Variants in PPARGC1A observed in about 807,000 individuals in gnomAD.
PPARGC1A encodes the protein PPARG coactivator 1 alpha, also known as peroxisome proliferator-activated receptor gamma coactivator 1-alpha.
PPARGC1A carries 25 observed loss-of-function variants against 88.7 expected under a neutral mutation model. The observed-to-expected ratio is 0.28, with a 90% CI of 0.21 to 0.39. PPARGC1A has a LOEUF of 0.39. PPARGC1A is among the 10% of genes least tolerant of loss of function. PPARGC1A has a pLI of 1.00. For missense variants in PPARGC1A, 880 were observed against 968.7 expected, an observed-to-expected ratio of 0.91 and a Z score of 1.22; for synonymous variants, 363 against 355.6, an observed-to-expected ratio of 1.02 and a Z score of -0.24.
At chr4:23,801,361 G>A (rs958009534) in intron 12 of PPARGC1A, among the ~76,000 whole-genome samples, 4 of 151,252 alleles carry the variant, frequency 2.6e-5, no homozygotes, top group Middle Eastern at 3.4e-3. Context: ...AACACACACA[G>A]ACACACACAA....
the PPARGC1A span, among the ~76,000 whole-genome samples, chr4:24,013,003 T>C: frequency 6.6e-6 from 1 of 152,142 alleles, no homozygotes; most frequent in Non-Finnish European, 1.5e-5. Context: ...TTTTTACACA[T>C]GCAATCACAC....
the PPARGC1A span, among the ~76,000 whole-genome samples, chr4:24,375,385 GGT>G: frequency 1.3e-5 from 2 of 152,120 alleles, no homozygotes; most frequent in Non-Finnish European, 2.9e-5. Flanking sequence ...TCCAATTCAA[GGT>G]GGGACTTACA....
the PPARGC1A span, among the ~76,000 whole-genome samples, chr4:24,452,256 CA>C: frequency 7.0e-6 from 1 of 142,648 alleles, no homozygotes. Flanking sequence ...CCCACCCCCC[CA>C]CACACAAACA....
the PPARGC1A span, among the ~76,000 whole-genome samples, chr4:24,418,247 A>C: frequency 6.6e-6 from 1 of 152,202 alleles, no homozygotes; most frequent in African/African-American, 2.4e-5. Flanking sequence ...TCTGAGGTTG[A>C]GTGAGCTGAA....
chr4:24,060,504 T>C, the PPARGC1A span, among the ~76,000 whole-genome samples: 1 of 152,260 alleles, frequency 6.6e-6, no homozygotes, highest in East Asian at 1.9e-4. Flanking sequence ...TGGGTTGCAC[T>C]ATTTTTAAAA....
chr4:23,921,930 C>T, the PPARGC1A span, among the ~76,000 whole-genome samples: 2 of 152,184 alleles, frequency 1.3e-5, no homozygotes, highest in African/African-American at 4.8e-5. Context: ...TCAAGCCTTG[C>T]TTATTACCCA....
At chr4:23,899,752 T>A (rs996595086), upstream of PPARGC1A, among the ~76,000 whole-genome samples, 2 of 152,110 alleles carry the variant, frequency 1.3e-5, no homozygotes, top group East Asian at 3.9e-4. Flanking sequence ...GGTGAGAGGT[T>A]GCCATGGGTG....
At chr4:24,029,323 C>CT in the PPARGC1A span, among the ~76,000 whole-genome samples, 9 of 152,314 alleles carry the variant, frequency 5.9e-5, no homozygotes, top group Admixed American at 1.3e-4. Context: ...AATGCCTCAA[C>CT]TTTTTTTCTC....
chr4:24,176,702 A>G, the PPARGC1A span, among the ~76,000 whole-genome samples: 6 of 152,218 alleles, frequency 3.9e-5, no homozygotes, highest in East Asian at 1.2e-3. Flanking sequence ...ACAGAGAAGC[A>G]TAACCCCAGA....
At chr4:24,309,273 G>A in the PPARGC1A span, among the ~76,000 whole-genome samples, 1 of 152,148 alleles carries the variant, frequency 6.6e-6, no homozygotes, top group Non-Finnish European at 1.5e-5. Context: ...CTTTAAGAAG[G>A]TGATATTTAA....
the PPARGC1A span, among the ~76,000 whole-genome samples, chr4:24,099,353 T>A: frequency 3.3e-5 from 5 of 151,892 alleles, no homozygotes; most frequent in African/African-American, 7.3e-5. Context: ...ATCTTTTGAT[T>A]TTAAAACCTT....
At position 23,794,351 on chromosome 4, in the gene PPARGC1A, G is replaced by T. The variant is rs1717138145; in HGVS notation, c.*1471C>A. On this transcript the variant is annotated 3_prime_UTR_variant, in exon 13 of 13. Transcript: ENST00000264867. The stretch of plus-strand genomic sequence containing the variant: ...CAAATCCAGTGTATAAAACTTCAAA[G>T]AAAAACAAGCGACAAGAAAATGTGG... 6.6e-6 allele frequency: 1 copy of T among 152,442 alleles called. No individual in the cohort carries two copies. Among genetic ancestry groups the T allele is most frequent in the South Asian group, 2.1e-4 (1 of 4,820 alleles). The allele number at this position is 152,442 out of a possible 1,614,324, so 9.4% of individuals were successfully genotyped here.
the PPARGC1A span, among the ~76,000 whole-genome samples, chr4:23,970,491 T>C: frequency 6.6e-6 from 1 of 152,202 alleles, no homozygotes; most frequent in East Asian, 1.9e-4. Flanking sequence ...ATGATTTATA[T>C]GCTTGGCTGC....
chr4:24,245,893 T>C, the PPARGC1A span, among the ~76,000 whole-genome samples: 4 of 151,360 alleles, frequency 2.6e-5, no homozygotes, highest in Admixed American at 2.6e-4. Context: ...TAGTACATGG[T>C]TTGTTTGCTG....
chr4:24,365,492 T>C, the PPARGC1A span, among the ~76,000 whole-genome samples: 1 of 152,212 alleles, frequency 6.6e-6, no homozygotes, highest in African/African-American at 2.4e-5. Context: ...AAACCAGTCA[T>C]CTGCCCCTGT....
chr4:24,159,365 C>T, the PPARGC1A span, among the ~76,000 whole-genome samples: 2 of 151,980 alleles, frequency 1.3e-5, no homozygotes, highest in Non-Finnish European at 2.9e-5. Flanking sequence ...CATGCACCAC[C>T]ACCCCTGACT....
chr4:24,239,579 A>G, the PPARGC1A span, among the ~76,000 whole-genome samples: 1 of 152,210 alleles, frequency 6.6e-6, no homozygotes, highest in African/African-American at 2.4e-5. Flanking sequence ...CTCACAGGGT[A>G]ATGAGGATCA....
At chr4:23,804,013 A>G (rs564296521) in intron 10 of PPARGC1A, among the ~76,000 whole-genome samples, 1 of 152,204 alleles carries the variant, frequency 6.6e-6, no homozygotes, top group Non-Finnish European at 1.5e-5. Flanking sequence ...ATCTTCCTGG[A>G]TGATAAGCTT....
chr4:23,844,799 ATATAT>A (rs1300976559), intron 2 of PPARGC1A, among the ~76,000 whole-genome samples: 5 of 126,668 alleles, frequency 3.9e-5, no homozygotes, highest in African/African-American at 1.5e-4. Context: ...AATATATGAT[ATATAT>A]TATTATAATA....
Sources: allele counts gnomAD v4.1 joint callset (sites outside exome capture counted in the v4.1 genomes callset), GRCh38; gene constraint gnomAD v4.1.1; transcripts MANE v1.5; gene names NCBI Gene and HGNC (gene_info 2026-07-23, HGNC 2026-07-21).